The following COQ2 variants were observed in gnomAD, a reference collection of about 807,000 sequenced individuals.
The protein encoded by COQ2 is coenzyme Q2, polyprenyltransferase, also known as 4-hydroxybenzoate polyprenyltransferase, mitochondrial.
A neutral mutation model predicts 35.7 loss-of-function variants in COQ2; 25 were observed. That is an observed-to-expected ratio of 0.70 (90% CI 0.51 to 0.98). The LOEUF (loss-of-function observed/expected upper bound fraction) is 0.98, where lower values mean the gene tolerates loss of function less well. Ranked by LOEUF, COQ2 falls within the 50% of genes least tolerant of loss-of-function variation. The probability of loss-of-function intolerance (pLI) is 0.00; values close to 1 mark genes in which losing one functional copy is unlikely to be tolerated. For synonymous variants in COQ2, 206 were observed against 186.2 expected (o/e 1.11, Z -0.86); for missense variants, 488 against 473.5 (o/e 1.03, Z -0.28).
chr4:83,269,070 A>G (rs1734987106), intron 5 of COQ2, among the ~76,000 whole-genome samples: 1 of 152,192 alleles, frequency 6.6e-6, no homozygotes, highest in Admixed American at 6.5e-5. Context: ...CAAAAAGGCA[A>G]TATCAAAAGC....
rs1299451217 is a variant in COQ2 at position 83,269,874 on chromosome 4, T to G, written c.748A>C (p.Ile250Leu). ...GVMWTLIYDT[I>L]YAHQDKRDDV... ...AATTTCTTTACCTGATGGGCATAAA[T>G]AGTATCATATATTAGTGTCCACATA... Residue 250 changes from isoleucine to leucine, a missense_variant, in exon 5 of 7, where the codon ATT becomes CTT. Ile to Leu is a conservative substitution (Grantham distance 5, BLOSUM62 2). Coordinates refer to ENST00000647002, the MANE Select transcript of COQ2 (RefSeq NM_001358921.2). 1 of 1,593,876 alleles carries G rather than the reference T, an allele frequency of 6.3e-7. No homozygotes were observed. Among genetic ancestry groups the G allele is most frequent in the African/African-American group, 1.4e-5 (1 of 74,014 alleles).
At chr4:83,277,215 G>A (rs910365952) in intron 2 of COQ2, among the ~76,000 whole-genome samples, 1 of 152,142 alleles carries the variant, frequency 6.6e-6, no homozygotes, top group South Asian at 2.1e-4. Flanking sequence ...AAAGGACAGT[G>A]TGCATGTCTT....
chr4:83,283,437 T>C (rs1428991811), intron 1 of COQ2: 3 of 985,324 alleles, frequency 3.0e-6, no homozygotes, highest in Non-Finnish European at 3.6e-6. Flanking sequence ...CTTAGTGTTC[T>C]AACACTCCAC....
intron 3 of COQ2, 55 bp from the exon 4 acceptor site, chr4:83,272,227 C>G: frequency 9.8e-7 from 1 of 1,021,250 alleles, no homozygotes; most frequent in African/African-American, 1.6e-5. Context: ...TTAGAAACCA[C>G]GAAATACTTT....
intron 4 of COQ2, among the ~76,000 whole-genome samples, 189 bp from the exon 5 acceptor site, chr4:83,270,182 A>G (rs1451631081): frequency 6.6e-6 from 1 of 152,140 alleles, no homozygotes; most frequent in Non-Finnish European, 1.5e-5. Flanking sequence ...TACAAAAAAC[A>G]AAACAAGCTC....
intron 6 of COQ2, chr4:83,267,264 C>A: frequency 2.3e-6 from 1 of 442,248 alleles, no homozygotes; most frequent in South Asian, 1.7e-5. Flanking sequence ...GTAGTCCCAG[C>A]TACCCAGGAT....
rs889683008 is a variant in COQ2, at chr4:83,281,889, C to T, written c.253+2623G>A. On this transcript the variant is annotated intron_variant, in intron 1 of 6. Coordinates refer to ENST00000647002, the MANE Select transcript of COQ2 (RefSeq NM_001358921.2). Reference sequence around the variant, plus strand: ...CTGTGTCCTAAGTCCAATGCTGTCACTCTGTACTCCCTAAATCTCTCCATA... The same window carrying T: ...CTGTGTCCTAAGTCCAATGCTGTCATTCTGTACTCCCTAAATCTCTCCATA... Among the ~76,000 whole-genome samples the T allele has an allele frequency of 7.2e-5, 11 of 152,166 alleles. No homozygotes were observed. The South Asian group carries it at 2.3e-3, about 32-fold the overall frequency.
intron 1 of COQ2, chr4:83,283,892 T>C (rs1242305983): frequency 2.0e-6 from 2 of 985,448 alleles, no homozygotes; most frequent in African/African-American, 1.7e-5. Context: ...TCGGGGGCGA[T>C]TGTAAGCTGA....
intron 1 of COQ2, chr4:83,283,595 G>C: frequency 1.0e-6 from 1 of 985,404 alleles, no homozygotes; most frequent in Non-Finnish European, 1.2e-6. Flanking sequence ...ACTTGCTTTT[G>C]TATCACTCAT....
At chr4:83,280,188 T>TA (rs1286888303) in intron 1 of COQ2, among the ~76,000 whole-genome samples, 1 of 152,208 alleles carries the variant, frequency 6.6e-6, no homozygotes, top group Non-Finnish European at 1.5e-5. Flanking sequence ...ACTTAACCAA[T>TA]AAACTAGAGG....
chr4:83,283,372 T>C (rs961068633), intron 1 of COQ2: 13 of 985,340 alleles, frequency 1.3e-5, no homozygotes, highest in Non-Finnish European at 1.6e-5. Flanking sequence ...TGTTCTTGTC[T>C]AGTCTCGTTT....
intron 5 of COQ2, among the ~76,000 whole-genome samples, chr4:83,269,537 T>G (rs1734995531): frequency 1.3e-5 from 2 of 152,220 alleles, no homozygotes; most frequent in Non-Finnish European, 2.9e-5. Flanking sequence ...ATGTAAGTAC[T>G]TTCCTCAAAG....
intron 2 of COQ2, among the ~76,000 whole-genome samples, chr4:83,275,549 G>T (rs1735145870): frequency 6.6e-6 from 1 of 152,052 alleles, no homozygotes; most frequent in African/African-American, 2.4e-5. Flanking sequence ...GGGTCCTGAG[G>T]TCCCTAGCCA....
At chr4:83,264,794 T>C (rs1309688251) in intron 6 of COQ2, among the ~76,000 whole-genome samples, 5 of 152,238 alleles carry the variant, frequency 3.3e-5, no homozygotes, top group Non-Finnish European at 1.5e-5. Context: ...TTCTTCCTTA[T>C]ACTGACTGAT....
intron 2 of COQ2, among the ~76,000 whole-genome samples, chr4:83,277,007 G>A (rs1735200133): frequency 6.9e-6 from 1 of 143,940 alleles, no homozygotes; most frequent in South Asian, 2.5e-4. Flanking sequence ...GAGACATACA[G>A]AGTGGAATAA....
chr4:83,270,039 T>G, intron 4 of COQ2, 46 bp from the exon 5 acceptor site: 1 of 1,599,716 alleles, frequency 6.3e-7, no homozygotes. Flanking sequence ...GTATGTACTT[T>G]AGAATCCTAA....
At chr4:83,277,606 C>T (rs1484647708) in intron 2 of COQ2, among the ~76,000 whole-genome samples, 2 of 152,128 alleles carry the variant, frequency 1.3e-5, no homozygotes, top group African/African-American at 4.8e-5. Context: ...TGTATTTCAT[C>T]GATGCAATCC....
Position 83,283,491 on chromosome 4 carries a change from C to T in COQ2, c.253+1021G>A, listed in dbSNP as rs181274848. 210 of 985,458 alleles carry T rather than the reference C, an allele frequency of 2.1e-4. No homozygotes were observed. In the African/African-American group the frequency reaches 3.2e-3, roughly 15 times the overall value. 61.0% of individuals were successfully genotyped at this position (985,458 alleles called of 1,614,324 possible). ...GTACTTCCCGCACTAAGATCTCTTC[C>T]CTCCTCTGCAAAATCAACTTGTCCT... is the stretch of plus-strand genomic sequence containing the variant. On this transcript the variant is annotated intron_variant, in intron 1 of 6. Transcript: ENST00000647002.
chr4:83,283,668 A>C (rs1239697345), intron 1 of COQ2: 1 of 985,324 alleles, frequency 1.0e-6, no homozygotes, highest in Non-Finnish European at 1.2e-6. Flanking sequence ...AGTTCCTTGA[A>C]AGCAAAGGGT....
Sources: allele counts gnomAD v4.1 joint callset (sites outside exome capture counted in the v4.1 genomes callset), GRCh38; gene constraint gnomAD v4.1.1; transcripts MANE v1.5; gene names NCBI Gene and HGNC (gene_info 2026-07-23, HGNC 2026-07-21).